The following NPAS2 variants were observed in gnomAD, a reference collection of about 807,000 sequenced individuals.
NPAS2 encodes neuronal PAS domain protein 2, also known as neuronal PAS domain-containing protein 2.
NPAS2 carries 23 observed loss-of-function variants against 107.5 expected under a neutral mutation model. The ratio of observed to expected loss-of-function variants is 0.21; its 90% CI spans 0.15 to 0.30. The LOEUF (loss-of-function observed/expected upper bound fraction) is 0.30. Among genes scored for constraint, NPAS2 ranks in the 10% least tolerant of loss-of-function variants. The pLI is 1.00. For synonymous variants in NPAS2, 403 were observed against 417.5 expected (o/e 0.97, Z 0.42); for missense variants, 756 against 1,043.3 (o/e 0.72, Z 3.79).
At chr2:100,865,151 A>G (rs1352981586) in intron 1 of NPAS2, among the ~76,000 whole-genome samples, 1 of 152,232 alleles carries the variant, frequency 6.6e-6, no homozygotes, top group Non-Finnish European at 1.5e-5. Flanking sequence ...TTAAAATGTC[A>G]TGAGCTCCCA....
chr2:100,966,912 G>A (rs1676250011), intron 10 of NPAS2, among the ~76,000 whole-genome samples: 1 of 152,090 alleles, frequency 6.6e-6, no homozygotes, highest in African/African-American at 2.4e-5. Flanking sequence ...TTTCTCTTCT[G>A]TGGAGAGGGA....
At chr2:100,927,164 G>A (rs1683630680) in intron 3 of NPAS2, among the ~76,000 whole-genome samples, 1 of 151,914 alleles carries the variant, frequency 6.6e-6, no homozygotes, top group African/African-American at 2.4e-5. Context: ...TCAATCTCCT[G>A]ACCTCGTGAT....
intron 1 of NPAS2, among the ~76,000 whole-genome samples, chr2:100,837,430 G>C (rs1208715745): frequency 6.6e-6 from 1 of 152,104 alleles, no homozygotes; most frequent in Non-Finnish European, 1.5e-5. Context: ...TGGGATTACA[G>C]GCATGCGCCA....
chr2:100,926,891 T>C (rs1391279665), intron 3 of NPAS2, among the ~76,000 whole-genome samples: 1 of 152,012 alleles, frequency 6.6e-6, no homozygotes, highest in African/African-American at 2.4e-5. Flanking sequence ...TGAAGATTTA[T>C]ATCTATGTTT....
intron 7 of NPAS2, among the ~76,000 whole-genome samples, chr2:100,962,264 A>G (rs1452680860): frequency 6.6e-6 from 1 of 152,200 alleles, no homozygotes; most frequent in Non-Finnish European, 1.5e-5. Context: ...TATTCATGTT[A>G]GTGGAGAGAA....
At chr2:100,855,712 T>C (rs1485259380) in intron 1 of NPAS2, among the ~76,000 whole-genome samples, 1 of 152,180 alleles carries the variant, frequency 6.6e-6, no homozygotes, top group East Asian at 1.9e-4. Context: ...CAGCCCCTAG[T>C]ATGAGCCAGG....
At chr2:100,881,857 A>C (rs7567804) in intron 1 of NPAS2, among the ~76,000 whole-genome samples, 5,932 of 152,292 alleles carry the variant, frequency 0.039, 406 homozygotes, top group African/African-American at 0.13. Flanking sequence ...CTGGTCTCCC[A>C]CGTGCCCCAT....
chr2:100,873,486 T>C (rs937268526), intron 1 of NPAS2, among the ~76,000 whole-genome samples: 1 of 151,352 alleles, frequency 6.6e-6, no homozygotes, highest in African/African-American at 2.4e-5. Flanking sequence ...AAGAGCACTA[T>C]ATATTGTATC....
At chr2:100,916,326 C>T (rs1682879122) in intron 2 of NPAS2, among the ~76,000 whole-genome samples, 1 of 151,804 alleles carries the variant, frequency 6.6e-6, no homozygotes, top group Non-Finnish European at 1.5e-5. Context: ...TTTCAGTAAC[C>T]TAAATACCTA....
intron 1 of NPAS2, among the ~76,000 whole-genome samples, chr2:100,863,801 A>C (rs1679083641): frequency 6.6e-6 from 1 of 152,118 alleles, no homozygotes; most frequent in Admixed American, 6.6e-5. Flanking sequence ...TAATGTATAT[A>C]TGTATATAAT....
At chr2:100,951,943 A>G (rs1461282366) in intron 7 of NPAS2, among the ~76,000 whole-genome samples, 1 of 151,958 alleles carries the variant, frequency 6.6e-6, no homozygotes, top group Non-Finnish European at 1.5e-5. Context: ...AGGTCAGGAG[A>G]TCGAGACCAT....
At chr2:100,837,890 A>G (rs545572706) in intron 1 of NPAS2, among the ~76,000 whole-genome samples, 2 of 152,278 alleles carry the variant, frequency 1.3e-5, no homozygotes, top group South Asian at 4.2e-4. Context: ...ACAGAGCTGG[A>G]CGAGACCTTA....
At chr2:100,886,449 A>T (rs1573545938) in intron 1 of NPAS2, among the ~76,000 whole-genome samples, 1 of 152,230 alleles carries the variant, frequency 6.6e-6, no homozygotes, top group East Asian at 1.9e-4. Flanking sequence ...TCTGTTATTT[A>T]AATGTAGAAG....
chr2:100,893,330 A>G (rs1287048754), intron 1 of NPAS2, among the ~76,000 whole-genome samples: 1 of 152,140 alleles, frequency 6.6e-6, no homozygotes. Context: ...AACCCCCATC[A>G]ATTGGGGAGA....
chr2:100,965,021 GAAGAGTCGGC>G lies in NPAS2; in HGVS notation c.800+79_800+88del. 7 of 958,492 alleles carry G rather than the reference GAAGAGTCGGC, an allele frequency of 7.3e-6. No individual in the cohort carries two copies. The highest frequency in any genetic ancestry group is 9.4e-6 in the Non-Finnish European group (6 of 641,256). The allele number at this position is 958,492 out of a possible 1,614,324, so 59.4% of individuals were successfully genotyped here. The stretch of plus-strand genomic sequence containing the variant: ...CGTGAGCCAGGCTCTCCTTGGGAGA[GAAGAGTCGGC>G]CCTGGTCCATTGAAAGAGGAGGACT... On this transcript the variant is annotated intron_variant, in intron 9 of 20. Transcript: ENST00000335681. The surrounding 1 kb of genome is among the most constrained non-coding windows in gnomAD (Gnocchi z 4.3).
At position 100,940,173 on chromosome 2, in the gene NPAS2, C is replaced by G. The variant is rs115606629; in HGVS notation, c.363+2331C>G. Among the ~76,000 whole-genome samples, 1,156 of 152,334 alleles carry G rather than the reference C, an allele frequency of 7.6e-3. 14 individuals carry two copies. Among genetic ancestry groups the G allele is most frequent in the African/African-American group, 0.027 (1,110 of 41,582 alleles). On this transcript the variant is annotated intron_variant, in intron 5 of 20. Coordinates refer to ENST00000335681, the MANE Select transcript of NPAS2 (RefSeq NM_002518.4). Reference sequence around the variant, plus strand: ...CAGCTGGTTGGGCAGAGGAGCGGATCTGGGAGTCAGACCTCTATGACTTCC... The same window carrying G: ...CAGCTGGTTGGGCAGAGGAGCGGATGTGGGAGTCAGACCTCTATGACTTCC...
chr2:100,887,364 A>G (rs1188931448), intron 1 of NPAS2, among the ~76,000 whole-genome samples: 1 of 152,180 alleles, frequency 6.6e-6, no homozygotes, highest in African/African-American at 2.4e-5. Flanking sequence ...CCTCCGTGGC[A>G]TGGGGCCTTG....
At chr2:100,848,701 G>A (rs1016935914) in intron 1 of NPAS2, among the ~76,000 whole-genome samples, 3 of 152,234 alleles carry the variant, frequency 2.0e-5, no homozygotes, top group East Asian at 3.8e-4. Context: ...AGCTGGAAAT[G>A]CATAAAGAGG....
chr2:100,827,449 A>G (rs1676457367), intron 1 of NPAS2, among the ~76,000 whole-genome samples: 1 of 152,158 alleles, frequency 6.6e-6, no homozygotes. Context: ...GGTATATTGC[A>G]TGATACTGAG....
Sources: gnomAD v4.1 joint callset for allele counts (sites outside exome capture counted in the v4.1 genomes callset) on GRCh38, gnomAD v4.1.1 for gene constraint, Gnocchi (gnomAD v3.1) non-coding constraint, MANE v1.5 for transcripts, NCBI Gene and HGNC (gene_info 2026-07-23, HGNC 2026-07-21) for gene names.